Variants in NPAS3 observed in about 807,000 individuals in gnomAD.
NPAS3 encodes neuronal PAS domain-containing protein 3.
A neutral mutation model predicts 73.1 loss-of-function variants in NPAS3; 14 were observed. That is an observed-to-expected ratio of 0.19 (90% CI 0.13 to 0.30). NPAS3 has a LOEUF of 0.30. NPAS3 is among the 10% of genes least tolerant of loss of function. The probability of loss-of-function intolerance (pLI) is 1.00; values close to 1 mark genes in which losing one functional copy is unlikely to be tolerated. For missense variants in NPAS3, 1,096 were observed against 1,250.0 expected (o/e 0.88, Z 1.86); for synonymous variants, 620 against 541.5 (o/e 1.14, Z -2.01).
chr14:33,692,068 G>A (rs2060251036), intron 6 of NPAS3, among the ~76,000 whole-genome samples: 1 of 152,134 alleles, frequency 6.6e-6, no homozygotes, highest in South Asian at 2.1e-4. Flanking sequence ...AAATATGACA[G>A]GACAGTTACA....
In NPAS3 at chr14:33,662,869, C is replaced by CTTTTTTT. The variant is rs550747845; in HGVS notation, c.559-13323_559-13317dup. ...TTGGGGCTGAGACAATGGGGTTTTC[C>CTTTTTTT]TTTTTTTTTTTTTTTTTTTTTTTTT... On this transcript the variant is annotated intron_variant, in intron 5 of 11. Transcript: ENST00000356141. Among the ~76,000 whole-genome samples, 242 of 89,838 alleles carry CTTTTTTT rather than the reference C, an allele frequency of 2.7e-3. 1 individual carries two copies. The highest frequency in any genetic ancestry group is 3.8e-3 in the African/African-American group (79 of 20,808). The allele number at this position is 89,838 out of a possible 152,430, so 58.9% of individuals were successfully genotyped here. A position where few individuals can be genotyped will look rare whatever the true frequency, so the allele number is the denominator to read the frequency against.
chr14:33,567,324 C>T (rs1203853261), intron 5 of NPAS3, among the ~76,000 whole-genome samples: 1 of 152,202 alleles, frequency 6.6e-6, no homozygotes, highest in African/African-American at 2.4e-5. Flanking sequence ...GCTGCAGTCT[C>T]ATGCGACAAA....
intron 7 of NPAS3, among the ~76,000 whole-genome samples, chr14:33,746,318 A>G (rs1286231637): frequency 6.6e-6 from 1 of 151,492 alleles, no homozygotes; most frequent in African/African-American, 2.4e-5. Flanking sequence ...CCTCCTGAGT[A>G]GCTGGGATTA....
At chr14:33,327,119 G>A (rs2043744173) in intron 3 of NPAS3, among the ~76,000 whole-genome samples, 1 of 152,116 alleles carries the variant, frequency 6.6e-6, no homozygotes, top group South Asian at 2.1e-4. Context: ...CTGCAATTTG[G>A]CAAAATTGTT....
chr14:33,605,245 T>C (rs1259189530), intron 5 of NPAS3, among the ~76,000 whole-genome samples: 1 of 151,972 alleles, frequency 6.6e-6, no homozygotes, highest in Non-Finnish European at 1.5e-5. Flanking sequence ...ACTGACATCA[T>C]ACTCAGTGGT....
intron 9 of NPAS3, among the ~76,000 whole-genome samples, chr14:33,783,603 G>C (rs2063050327): frequency 7.1e-6 from 1 of 140,910 alleles, no homozygotes; most frequent in African/African-American, 2.6e-5. Context: ...GGTGGTGTGG[G>C]GGGGCGGGTA....
intron 3 of NPAS3, among the ~76,000 whole-genome samples, chr14:33,348,801 A>G (rs957731390): frequency 6.6e-6 from 1 of 152,054 alleles, no homozygotes; most frequent in African/African-American, 2.4e-5. Flanking sequence ...TCGTTTATTT[A>G]CTTGTCATTA....
chr14:33,052,089 G>A (rs2040731427), intron 1 of NPAS3, among the ~76,000 whole-genome samples: 1 of 152,068 alleles, frequency 6.6e-6, no homozygotes, highest in Non-Finnish European at 1.5e-5. Context: ...AATTCAGTAA[G>A]ATAGTTCAAA....
chr14:33,211,257 C>A (rs1364281142), intron 2 of NPAS3, among the ~76,000 whole-genome samples: 1 of 152,184 alleles, frequency 6.6e-6, no homozygotes, highest in Non-Finnish European at 1.5e-5. Flanking sequence ...GGCTGGCTAG[C>A]TTCACAATCC....
rs2062893397 is a variant in NPAS3, at chr14:33,778,662, C to A, written c.1153+90C>A. 3.6e-6 allele frequency: 3 copies of A among 824,312 alleles called. No individual in the cohort carries two copies. The Admixed American group carries it at 5.6e-5, about 15-fold the overall frequency. The allele number at this position is 824,312 out of a possible 1,614,324, so 51.1% of individuals were successfully genotyped here. A position where few individuals can be genotyped will look rare whatever the true frequency, so the allele number is the denominator to read the frequency against. On this transcript the variant is annotated intron_variant, in intron 9 of 11. Coordinates refer to ENST00000356141, the Ensembl canonical transcript of NPAS3. ...TTTCAGTGCTGATTTTTCCCTTCAT[C>A]TTTCCTGTGTACATTTCAGATGACT...
chr14:33,092,631 A>G (rs1260743795), intron 2 of NPAS3, among the ~76,000 whole-genome samples: 1 of 152,230 alleles, frequency 6.6e-6, no homozygotes, highest in Non-Finnish European at 1.5e-5. Context: ...TAAAGTTCAT[A>G]TGGAACCTAA....
At chr14:33,112,471 T>TGGAGAAG (rs2042927370) in intron 2 of NPAS3, among the ~76,000 whole-genome samples, 1 of 152,230 alleles carries the variant, frequency 6.6e-6, no homozygotes, top group Non-Finnish European at 1.5e-5. Context: ...ATGTCTTCTT[T>TGGAGAAG]TGAGAAGTGT....
At chr14:33,596,040 A>G (rs1237798253) in intron 5 of NPAS3, among the ~76,000 whole-genome samples, 1 of 152,346 alleles carries the variant, frequency 6.6e-6, no homozygotes, top group African/African-American at 2.4e-5. Flanking sequence ...CCAATGTAGA[A>G]GTCTAACATT....
At chr14:33,584,576 G>C (rs766052803) in intron 5 of NPAS3, among the ~76,000 whole-genome samples, 1 of 152,108 alleles carries the variant, frequency 6.6e-6, no homozygotes, top group Non-Finnish European at 1.5e-5. Context: ...CTAAAGAATG[G>C]CTGGCAGGAC....
intron 6 of NPAS3, 27 bp downstream of exon 6, chr14:33,676,412 G>A: frequency 6.5e-7 from 1 of 1,532,304 alleles, no homozygotes; most frequent in Non-Finnish European, 8.7e-7. Flanking sequence ...CAGTGTGTGG[G>A]TTGGTGGGCA....
chr14:33,656,057 A>G (rs940520626), intron 5 of NPAS3, among the ~76,000 whole-genome samples: 1 of 152,210 alleles, frequency 6.6e-6, no homozygotes, highest in Middle Eastern at 3.4e-3. Context: ...CTCTATTCCT[A>G]CTGCTGTGCT....
chr14:33,380,876 C>T (rs1036817107), intron 4 of NPAS3, among the ~76,000 whole-genome samples: 1 of 152,018 alleles, frequency 6.6e-6, no homozygotes, highest in Admixed American at 6.6e-5. Context: ...TAGGCCACCA[C>T]AAAAATGCCC....
intron 2 of NPAS3, among the ~76,000 whole-genome samples, chr14:33,113,028 C>G (rs2042947679): frequency 6.6e-6 from 1 of 152,230 alleles, no homozygotes; most frequent in Non-Finnish European, 1.5e-5. Context: ...TGGTCTGTAT[C>G]TCTGTTTTGG....
At chr14:33,311,940 G>C (rs978975254) in intron 3 of NPAS3, among the ~76,000 whole-genome samples, 1 of 152,102 alleles carries the variant, frequency 6.6e-6, no homozygotes, top group African/African-American at 2.4e-5. Context: ...GGCATGATAT[G>C]TTTTGGAGAA....
Sources: gnomAD v4.1 joint callset for allele counts (sites outside exome capture counted in the v4.1 genomes callset) on GRCh38, gnomAD v4.1.1 for gene constraint, MANE v1.5 for transcripts, NCBI Gene and HGNC (gene_info 2026-07-23, HGNC 2026-07-21) for gene names.